PSG8: variants seen among roughly 807,000 people sequenced by gnomAD.
The protein encoded by PSG8 is pregnancy-specific beta-1-glycoprotein 8.
A neutral mutation model predicts 42.5 loss-of-function variants in PSG8; 57 were observed. The observed-to-expected ratio is 1.34, with a 90% CI of 1.08 to 1.67. The LOEUF (loss-of-function observed/expected upper bound fraction) is 1.67. Among genes scored for constraint, PSG8 ranks in the 40% most tolerant of loss-of-function variants. The pLI is 0.00. For missense variants in PSG8, 783 were observed against 518.6 expected, an observed-to-expected ratio of 1.51 and a Z score of -4.95; for synonymous variants, 280 against 196.8, an observed-to-expected ratio of 1.42 and a Z score of -3.54.
At position 42,764,699 on chromosome 19, in the gene PSG8, G is replaced by T. The variant is rs181983943; in HGVS notation, c.65-418C>A. ...CTTTCCCTGCTCTGCTCCCTCCAGG[G>T]TTCTTCTCAACACCTGACCTTACAT... On this transcript the variant is annotated intron_variant, in intron 1 of 4. Coordinates refer to ENST00000306511, the MANE Select transcript of PSG8 (RefSeq NM_182707.3). 1.1e-4 allele frequency among the ~76,000 whole-genome samples: 16 copies of T among 152,052 alleles called. No homozygotes were observed. In the South Asian group the frequency reaches 1.7e-3, roughly 16 times the overall value.
chr19:42,755,410 G>A, intron 3 of PSG8, 144 bp from the exon 4 acceptor site: 2 of 1,431,908 alleles, frequency 1.4e-6, no homozygotes, highest in Non-Finnish European at 9.4e-7. Flanking sequence ...TCACAAGACA[G>A]ATGCATGATG....
chr19:42,760,709 A>G (rs1970051659), intron 2 of PSG8, among the ~76,000 whole-genome samples: 1 of 151,950 alleles, frequency 6.6e-6, no homozygotes, highest in Non-Finnish European at 1.5e-5. Context: ...CAGCCTCCCA[A>G]GTAGCTGGGA....
chr19:42,753,044 G>C (rs985244342), downstream of PSG8: 5 of 570,204 alleles, frequency 8.8e-6, no homozygotes, highest in African/African-American at 9.4e-5. Flanking sequence ...CCAAGTGAAA[G>C]AGGCAGGCAT....
chr19:42,758,459 G>T (rs1969989552), intron 2 of PSG8, 179 bp from the exon 3 acceptor site: 3 of 1,325,470 alleles, frequency 2.3e-6, no homozygotes, highest in African/African-American at 1.5e-5. Context: ...AGGTTGTGAG[G>T]CTGCCTGCTT....
In PSG8 at chr19:42,764,104, G is replaced by C; in HGVS notation, c.242C>G (p.Ser81Ter). The C allele has an allele frequency of 1.2e-6, 2 of 1,613,806 alleles. No individual in the cohort carries two copies. The highest frequency in any genetic ancestry group is 1.7e-6 in the Non-Finnish European group (2 of 1,179,828). The change falls in exon 2 of 5, where the codon TCA (serine) becomes TGA (stop). Residue 81 changes from serine (S) to a stop codon, truncating the protein, a stop_gained. Coordinates refer to ENST00000306511, the MANE Select transcript of PSG8 (RefSeq NM_182707.3). LOFTEE classifies it high-confidence loss of function. ...QIRDLYHYIT[S>*]YVVDGQIIIY... ...AATTATTTGACCGTCTACTACATAT[G>C]ATGTAATGTAATGGTAGAGGTCCCT...
chr19:42,756,556 G>A (rs569224957), intron 3 of PSG8, among the ~76,000 whole-genome samples: 2 of 152,044 alleles, frequency 1.3e-5, no homozygotes, highest in South Asian at 2.1e-4. Flanking sequence ...GCTCCAGTGA[G>A]CATTTCTTTT....
At position 42,755,148 on chromosome 19, in the gene PSG8, A is replaced by C; in HGVS notation, c.828T>G (p.Asn276Lys). The C allele has an allele frequency of 6.2e-7, 1 of 1,611,890 alleles. No individual in the cohort carries two copies. The highest frequency in any genetic ancestry group is 8.5e-7 in the Non-Finnish European group (1 of 1,179,780). Residue 276 changes from asparagine (N) to lysine (K), a missense_variant, in exon 4 of 5, where the codon AAT becomes AAG. Coordinates refer to ENST00000306511, the MANE Select transcript of PSG8 (RefSeq NM_182707.3). ...SENYTYIWWL[N>K]GQSLPVSPRV... is the part of the protein sequence containing the mutation. ...TGGGACTGACCGGGAGGCTCTGACC[A>C]TTTAGCCACCAAATGTAGGTGTAGT...
At chr19:42,757,178 G>A (rs1474491176) in intron 3 of PSG8, among the ~76,000 whole-genome samples, 1 of 152,146 alleles carries the variant, frequency 6.6e-6, no homozygotes, top group East Asian at 1.9e-4. Flanking sequence ...TCTAGAAAGA[G>A]TGAAGGGGAC....
In PSG8 at chr19:42,765,210, T is replaced by C. The variant is rs146146977; in HGVS notation, c.64+308A>G. Among the ~76,000 whole-genome samples, 644 of 151,692 alleles carry C rather than the reference T, an allele frequency of 4.2e-3. 7 individuals are homozygous for C. Among genetic ancestry groups the C allele is most frequent in the African/African-American group, 0.015 (627 of 41,294 alleles). ...TACTGTCTCCCAGGCTGGCGTGCGA[T>C]GGCACTATCTCAGCTAGCTGCAACT... On this transcript the variant is annotated intron_variant, in intron 1 of 4. Transcript: ENST00000306511.
intron 2 of PSG8, among the ~76,000 whole-genome samples, chr19:42,759,110 A>G (rs1970008941): frequency 6.6e-6 from 1 of 152,064 alleles, no homozygotes; most frequent in African/African-American, 2.4e-5. Flanking sequence ...GACTGGTGGA[A>G]AGGGCGAACA....
downstream of PSG8, among the ~76,000 whole-genome samples, chr19:42,753,687 A>G (rs1025088270): frequency 5.9e-5 from 9 of 152,314 alleles, no homozygotes; most frequent in African/African-American, 2.2e-4. Context: ...ATAGGAAGCC[A>G]AACCAAGGCT....
rs758282363 is a variant in PSG8 at position 42,758,213 on chromosome 19, G to T, written c.498C>A (p.Ser166Arg). ...CCGGAGTCTCAGGATCACAGGTTAA[G>T]CTCACAGCCTCCATGGCCTCCCTGG... ...LNPREAMEAV[S>R]LTCDPETPDA... Residue 166 changes from serine (S) to arginine (R), a missense_variant, in exon 3 of 5, where the codon AGC (serine) becomes AGA (arginine). By Grantham distance (110) the Ser-to-Arg change is moderately radical. Coordinates refer to ENST00000306511, the MANE Select transcript of PSG8 (RefSeq NM_182707.3). The T allele has an allele frequency of 1.9e-5, 31 of 1,614,070 alleles. No individual in the cohort carries two copies. In the South Asian group the frequency reaches 3.2e-4, roughly 17 times the overall value.
rs1970158644 is a variant in PSG8, at chr19:42,764,283, T to C, written c.65-2A>G. On this transcript the variant is annotated splice_acceptor_variant, in intron 1 of 4. Transcript: ENST00000306511. LOFTEE classifies it high-confidence loss of function. Reference sequence around the variant, plus strand: ...GGTTCCAGAAGTTTAAAAGTGATGCTAGGAGGTGGAGAGAGCATCAGTCAA... The same window carrying C: ...GGTTCCAGAAGTTTAAAAGTGATGCCAGGAGGTGGAGAGAGCATCAGTCAA... The C allele has an allele frequency of 1.9e-6, 3 of 1,611,730 alleles. No homozygotes were observed. Among genetic ancestry groups the C allele is most frequent in the African/African-American group, 2.7e-5 (2 of 74,762 alleles).
intron 2 of PSG8, among the ~76,000 whole-genome samples, chr19:42,759,750 A>G (rs569662400): frequency 2.6e-5 from 4 of 152,288 alleles, no homozygotes; most frequent in Non-Finnish European, 5.9e-5. Context: ...AGGAAACATT[A>G]AAATGTTTTC....
chr19:42,764,104 G>T lies in PSG8; in HGVS notation c.242C>A (p.Ser81Ter). ...AATTATTTGACCGTCTACTACATAT[G>T]ATGTAATGTAATGGTAGAGGTCCCT... ...QIRDLYHYIT[S>*]YVVDGQIIIY... The change falls in exon 2 of 5, where the codon TCA becomes TAA. Residue 81 changes from serine to a stop codon, truncating the protein, a stop_gained. Transcript: ENST00000306511. LOFTEE classifies it high-confidence loss of function. The T allele has an allele frequency of 6.2e-7, 1 of 1,613,806 alleles. No individual in the cohort carries two copies. The highest frequency in any genetic ancestry group is 1.1e-5 in the South Asian group (1 of 91,062).
At chr19:42,762,161 T>G (rs998606358) in intron 2 of PSG8, among the ~76,000 whole-genome samples, 6 of 148,894 alleles carry the variant, frequency 4.0e-5, no homozygotes, top group Non-Finnish European at 5.9e-5. Context: ...GGCCTAGGGG[T>G]GGGGGAAGAA....
In PSG8 at chr19:42,758,188, C is replaced by T. The variant is rs773921328; in HGVS notation, c.523G>A (p.Asp175Asn). 5.6e-6 allele frequency: 9 copies of T among 1,614,032 alleles called. No homozygotes were observed. Among genetic ancestry groups the T allele is most frequent in the South Asian group, 5.5e-5 (5 of 91,070 alleles). Reference sequence around the variant, plus strand: ...TTCATCCACCACAGGTAGCTTGCGTCCGGAGTCTCAGGATCACAGGTTAAG... The same window carrying T: ...TTCATCCACCACAGGTAGCTTGCGTTCGGAGTCTCAGGATCACAGGTTAAG... ...VSLTCDPETP[D>N]ASYLWWMNGQ... The change falls in exon 3 of 5, where the codon GAC (aspartate) becomes AAC (asparagine). Residue 175 changes from aspartate (D) to asparagine (N), a missense_variant. Physicochemically the swap from Asp to Asn is conservative, Grantham distance 23. Coordinates refer to ENST00000306511, the MANE Select transcript of PSG8 (RefSeq NM_182707.3).
At position 42,758,116 on chromosome 19, in the gene PSG8, T is replaced by C; in HGVS notation, c.595A>G (p.Asn199Asp). 6.2e-7 allele frequency: 1 copy of C among 1,613,998 alleles called. No individual in the cohort carries two copies. The highest frequency in any genetic ancestry group is 8.5e-7 in the Non-Finnish European group (1 of 1,179,946). Residue 199 changes from asparagine (N) to aspartate (D), a missense_variant, in exon 3 of 5, where the codon AAC becomes GAC. Coordinates refer to ENST00000306511, the MANE Select transcript of PSG8 (RefSeq NM_182707.3). Reference protein sequence around the residue: ...MSHRLQLSETNRTLFLLGVTK... With the variant: ...MSHRLQLSETDRTLFLLGVTK... ...ACACCCAATAGAAAGAGGGTCCTGT[T>C]GGTTTCAGACAACTGCAACCTGTGA...
Position 42,755,000 on chromosome 19 carries a change from G to T in PSG8, c.976C>A (p.Leu326Met), listed in dbSNP as rs776675549. ...AAAAGATACTCACAGAGGACATTCA[G>T]GGTGACTGGGTAACTGCGGATGCCA... ...YGGIRSYPVT[L>M]NVLYGPDLPR... Residue 326 changes from leucine to methionine, a missense_variant, in exon 4 of 5, where the codon CTG (leucine) becomes ATG (methionine). By Grantham distance (15) the Leu-to-Met change is conservative (BLOSUM62 2). Transcript: ENST00000306511. 6.2e-7 allele frequency: 1 copy of T among 1,613,274 alleles called. No individual in the cohort carries two copies. Among genetic ancestry groups the T allele is most frequent in the Non-Finnish European group, 8.5e-7 (1 of 1,179,724 alleles).
Sources: allele counts gnomAD v4.1 joint callset (sites outside exome capture counted in the v4.1 genomes callset), GRCh38; gene constraint gnomAD v4.1.1; transcripts MANE v1.5; gene names NCBI Gene and HGNC (gene_info 2026-07-23, HGNC 2026-07-21).